The following MEGF11 variants were observed in gnomAD, a reference collection of about 807,000 sequenced individuals.
MEGF11 encodes the protein multiple EGF like domains 11, also known as multiple epidermal growth factor-like domains protein 11.
Under a neutral mutation model 146.6 loss-of-function variants are expected in MEGF11, and 126 were observed. That is an observed-to-expected ratio of 0.86 (90% confidence interval 0.74 to 1.00). The LOEUF (loss-of-function observed/expected upper bound fraction) is 1.00, where lower values mean the gene tolerates loss of function less well. MEGF11 is among the 50% of genes least tolerant of loss of function. The pLI, the probability that MEGF11 is intolerant of heterozygous loss-of-function variation, is 0.00. For synonymous variants in MEGF11, 532 were observed against 583.4 expected (o/e 0.91, Z 1.27); for missense variants, 1,509 against 1,521.2 (o/e 0.99, Z 0.13).
intron 24 of MEGF11, among the ~76,000 whole-genome samples, chr15:65,904,276 A>G (rs2078566698): frequency 1.3e-5 from 2 of 152,198 alleles, no homozygotes; most frequent in South Asian, 4.1e-4. Context: ...TGAGAAAGAA[A>G]CTGAGGTGCC....
Position 65,918,067 on chromosome 15 carries a change from T to C in MEGF11, c.1985A>G (p.Asp662Gly). 1 of 1,613,920 alleles carries C rather than the reference T, an allele frequency of 6.2e-7. No homozygotes were observed. Among genetic ancestry groups the C allele is most frequent in the Non-Finnish European group, 8.5e-7 (1 of 1,179,866 alleles). Residue 662 changes from aspartate (D) to glycine (G), a missense_variant, in exon 16 of 26, where the codon GAC (aspartate) becomes GGC (glycine). By Grantham distance (94) the Asp-to-Gly change is moderately conservative. Coordinates refer to ENST00000395614, the MANE Select transcript of MEGF11 (RefSeq NM_001385028.1). Reference protein sequence around the residue: ...QVCAGGYFGQDCAQLCSCANN... With the variant: ...QVCAGGYFGQGCAQLCSCANN... The stretch of plus-strand genomic sequence containing the variant: ...GGCACAGGAGCAGAGCTGGGCACAG[T>C]CCTGCCCAAAGTATCCTCCAGCACA...
intron 5 of MEGF11, among the ~76,000 whole-genome samples, chr15:66,016,030 C>A (rs1254512778): frequency 6.6e-6 from 1 of 151,958 alleles, no homozygotes; most frequent in Non-Finnish European, 1.5e-5. Context: ...GAGAGAGACC[C>A]TTCCACATTC....
chr15:66,235,700 A>G (rs962917306), intron 1 of MEGF11, among the ~76,000 whole-genome samples: 1 of 152,078 alleles, frequency 6.6e-6, no homozygotes, highest in African/African-American at 2.4e-5. Flanking sequence ...TAAACTCCAG[A>G]AGAGCCTGGG....
intron 1 of MEGF11, among the ~76,000 whole-genome samples, chr15:66,135,600 C>T (rs2088854514): frequency 6.6e-6 from 1 of 152,170 alleles, no homozygotes; most frequent in Admixed American, 6.5e-5. Context: ...AATCAGAGGC[C>T]TTTGCAGGTA....
At chr15:65,922,674 C>T in intron 14 of MEGF11, 149 bp downstream of exon 14, 1 of 1,243,120 alleles carries the variant, frequency 8.0e-7, no homozygotes, top group South Asian at 1.6e-5. Flanking sequence ...AACCTGGGGA[C>T]AGAACTGCAG....
chr15:65,957,014 A>G (rs2141489034), intron 10 of MEGF11, among the ~76,000 whole-genome samples: 1 of 152,338 alleles, frequency 6.6e-6, no homozygotes, highest in South Asian at 2.1e-4. Flanking sequence ...CCCTAAGGAA[A>G]TAATTCAAGG....
At chr15:65,967,795 T>C (rs975986158) in intron 8 of MEGF11, among the ~76,000 whole-genome samples, 2 of 152,122 alleles carry the variant, frequency 1.3e-5, no homozygotes, top group Non-Finnish European at 2.9e-5. Flanking sequence ...CTCTCCCCTC[T>C]CAGAGCCACT....
At chr15:66,046,407 C>A (rs2084205186) in intron 5 of MEGF11, among the ~76,000 whole-genome samples, 1 of 152,184 alleles carries the variant, frequency 6.6e-6, no homozygotes, top group African/African-American at 2.4e-5. Context: ...GGTACCCAGG[C>A]TGCATGCAGT....
intron 7 of MEGF11, among the ~76,000 whole-genome samples, chr15:65,973,945 A>T (rs1426615376): frequency 6.6e-6 from 1 of 152,156 alleles, no homozygotes; most frequent in Non-Finnish European, 1.5e-5. Context: ...GTATTATATA[A>T]CTTAAAATTA....
intron 1 of MEGF11, among the ~76,000 whole-genome samples, chr15:66,234,472 G>A (rs1301223623): frequency 6.6e-6 from 1 of 152,212 alleles, no homozygotes; most frequent in East Asian, 1.9e-4. Flanking sequence ...TATACGCAAC[G>A]CTGAAGAGTG....
chr15:66,207,317 T>C (rs1002034117), intron 1 of MEGF11, among the ~76,000 whole-genome samples: 3 of 152,152 alleles, frequency 2.0e-5, no homozygotes, highest in Non-Finnish European at 2.9e-5. Context: ...AGAGAAGCAA[T>C]TCGTCCTGTA....
At chr15:65,921,894 T>G (rs771188075) in intron 15 of MEGF11, 5 of 180,698 alleles carry the variant, frequency 2.8e-5, no homozygotes, top group Non-Finnish European at 4.7e-5. Flanking sequence ...GGATTAGGGA[T>G]GGTGGCCTGA....
At chr15:66,144,127 A>ACTATGCCCACCCTGGCTGCGC (rs2089276216) in intron 1 of MEGF11, among the ~76,000 whole-genome samples, 1 of 152,196 alleles carries the variant, frequency 6.6e-6, no homozygotes, top group Admixed American at 6.5e-5. Flanking sequence ...ACACTAAGCC[A>ACTATGCCCACCCTGGCTGCGC]CTATGCCCAC....
At chr15:66,126,945 G>A (rs769079484) in intron 2 of MEGF11, among the ~76,000 whole-genome samples, 20 of 152,170 alleles carry the variant, frequency 1.3e-4, no homozygotes, top group Non-Finnish European at 2.4e-4. Flanking sequence ...TGCACCTCCC[G>A]TGAGTCTGAT....
At chr15:65,979,821 T>G (rs941232316) in intron 7 of MEGF11, among the ~76,000 whole-genome samples, 1 of 152,108 alleles carries the variant, frequency 6.6e-6, no homozygotes, top group African/African-American at 2.4e-5. Flanking sequence ...GGGCTCACTG[T>G]TGTTATATCA....
chr15:66,131,557 G>A (rs1480406524), intron 1 of MEGF11, among the ~76,000 whole-genome samples: 1 of 152,180 alleles, frequency 6.6e-6, no homozygotes, highest in Admixed American at 6.5e-5. Flanking sequence ...GAACTTTGGA[G>A]GAACCAGACA....
rs1263677118 is a variant in MEGF11 at position 65,980,987 on chromosome 15, C to T, written c.642-89G>A. On this transcript the variant is annotated intron_variant, in intron 6 of 25. Transcript: ENST00000395614. Reference sequence around the variant, plus strand: ...CTCCAGGGTTCCCTAGGAATTCCTCCGCAGTTAATGGATCTGTATTAGGCA... The same window carrying T: ...CTCCAGGGTTCCCTAGGAATTCCTCTGCAGTTAATGGATCTGTATTAGGCA... The T allele has an allele frequency of 1.5e-5, 21 of 1,434,470 alleles. No homozygotes were observed. The South Asian group carries it at 2.1e-4, about 14-fold the overall frequency. The allele number at this position is 1,434,470 out of a possible 1,614,324, so 88.9% of individuals were successfully genotyped here.
intron 5 of MEGF11, among the ~76,000 whole-genome samples, chr15:66,048,816 C>T (rs1204308472): frequency 1.3e-5 from 2 of 152,172 alleles, no homozygotes; most frequent in Non-Finnish European, 1.5e-5. Context: ...AAAATCCTAA[C>T]GCTATCCCCT....
intron 1 of MEGF11, among the ~76,000 whole-genome samples, chr15:66,160,242 C>CCTCTCTCTCTCTCTCTCTCTCTCTCTCT (rs143653192): frequency 2.2e-5 from 3 of 133,506 alleles, no homozygotes; most frequent in South Asian, 2.6e-4. Flanking sequence ...AAGGAAAAGC[C>CCTCTCTCTCTCTCTCTCTCTCTCTCTCT]CTCTCTCTCT....
Sources: gnomAD v4.1 joint callset for allele counts (sites outside exome capture counted in the v4.1 genomes callset) on GRCh38, gnomAD v4.1.1 for gene constraint, MANE v1.5 for transcripts, NCBI Gene and HGNC (gene_info 2026-07-23, HGNC 2026-07-21) for gene names.